SCARB2: variants seen among roughly 807,000 people sequenced by gnomAD.
The protein encoded by SCARB2 is scavenger receptor class B member 2.
SCARB2 carries 29 observed loss-of-function variants against 58.6 expected under a neutral mutation model. The ratio of observed to expected loss-of-function variants is 0.49; its 90% CI spans 0.37 to 0.67. The LOEUF is 0.67. Ranked by LOEUF, SCARB2 falls within the 30% of genes least tolerant of loss-of-function variation. SCARB2 has a pLI of 0.00. For synonymous variants in SCARB2, 195 were observed against 210.1 expected (o/e 0.93, Z 0.62); for missense variants, 488 against 578.5 (o/e 0.84, Z 1.60).
intron 1 of SCARB2, among the ~76,000 whole-genome samples, chr4:76,205,955 G>C (rs1382742188): frequency 6.6e-6 from 1 of 152,100 alleles, no homozygotes; most frequent in African/African-American, 2.4e-5. Flanking sequence ...AAGGACGGTG[G>C]GTGCTGTGGT....
At chr4:76,166,160 A>T in intron 10 of SCARB2, 90 bp downstream of exon 10, 1 of 1,286,820 alleles carries the variant, frequency 7.8e-7, no homozygotes, top group Non-Finnish European at 1.1e-6. Flanking sequence ...CCCTTCTGTC[A>T]TAACTTACAT....
chr4:76,234,437 A>C (rs1733548351), exon 1 of SCARB2: 1 of 152,236 alleles, frequency 6.6e-6, no homozygotes, highest in Admixed American at 6.5e-5. Context: ...ACAGAATTGT[A>C]CTGGGTGAAA....
At chr4:76,209,073 C>G (rs1466667462) in intron 1 of SCARB2, among the ~76,000 whole-genome samples, 1 of 152,206 alleles carries the variant, frequency 6.6e-6, no homozygotes, top group African/African-American at 2.4e-5. Flanking sequence ...TAAGTCACTT[C>G]TATTCCAAGA....
At chr4:76,219,308 C>A (rs1733267601) in intron 1 of SCARB2, among the ~76,000 whole-genome samples, 1 of 152,124 alleles carries the variant, frequency 6.6e-6, no homozygotes, top group African/African-American at 2.4e-5. Flanking sequence ...AGTTGCCAGT[C>A]CGGTGGCCAA....
At chr4:76,199,253 A>G (rs1001839667) in intron 1 of SCARB2, among the ~76,000 whole-genome samples, 3 of 152,254 alleles carry the variant, frequency 2.0e-5, no homozygotes, top group Non-Finnish European at 4.4e-5. Context: ...CCCATCCAGC[A>G]GCTGCCACCC....
At chr4:76,207,267 T>TAA in intron 1 of SCARB2, among the ~76,000 whole-genome samples, 1 of 152,360 alleles carries the variant, frequency 6.6e-6, no homozygotes, top group Middle Eastern at 3.4e-3. Context: ...TCTTCTGTTT[T>TAA]AAACATTTCT....
rs1560716152 is a variant in SCARB2, at chr4:76,195,812, G to A, written c.170C>T (p.Pro57Leu). The A allele has an allele frequency of 1.2e-5, 19 of 1,613,596 alleles. No homozygotes were observed. The highest frequency in any genetic ancestry group is 1.6e-5 in the Non-Finnish European group (19 of 1,179,610). Residue 57 changes from proline to leucine, a missense_variant, in exon 2 of 12, where the codon CCT becomes CTT. By Grantham distance (98) the Pro-to-Leu change is moderately conservative. Coordinates refer to ENST00000264896, the MANE Select transcript of SCARB2 (RefSeq NM_005506.4). ...TEAFDSWEKP[P>L]LPVYTQFYFF... ...ATAGAACTGAGTATACACAGGCAGA[G>A]GGGGCTTCTCCCAGGAGTCAAATGC...
intron 1 of SCARB2, among the ~76,000 whole-genome samples, chr4:76,230,565 G>A (rs562416680): frequency 6.6e-6 from 1 of 152,160 alleles, no homozygotes; most frequent in African/African-American, 2.4e-5. Flanking sequence ...TTCTGCTCAA[G>A]AGAGTTTATG....
intron 1 of SCARB2, among the ~76,000 whole-genome samples, chr4:76,201,679 G>A (rs1467941072): frequency 6.6e-6 from 1 of 152,194 alleles, no homozygotes; most frequent in African/African-American, 2.4e-5. Context: ...TTTTCAAGGA[G>A]ACATTTTGGC....
chr4:76,184,798 AAT>A, intron 2 of SCARB2: 5 of 334,360 alleles, frequency 1.5e-5, no homozygotes, highest in Admixed American at 4.0e-5. Context: ...AAAAAAAAAA[AAT>A]TTTAATTTAA....
At chr4:76,170,427 A>T (rs1186533862) in intron 7 of SCARB2, among the ~76,000 whole-genome samples, 2 of 152,214 alleles carry the variant, frequency 1.3e-5, no homozygotes, top group Admixed American at 1.3e-4. Flanking sequence ...ATACTAAGTG[A>T]ATGAAGGGTG....
rs567550935 is a variant in SCARB2, at chr4:76,169,800, AACT to A, written c.1113+64_1113+66del. ...TATTTTTAAAGAAGGCTCAGGACTA[AACT>A]GGTGAACAATGTATAGACAGAATAA... On this transcript the variant is annotated intron_variant, in intron 8 of 11. Coordinates refer to ENST00000264896, the MANE Select transcript of SCARB2 (RefSeq NM_005506.4). The A allele has an allele frequency of 7.8e-6, 10 of 1,279,416 alleles. No homozygotes were observed. The Admixed American group carries it at 1.7e-4, about 21-fold the overall frequency. The allele number at this position is 1,279,416 out of a possible 1,614,324, so 79.3% of individuals were successfully genotyped here.
At chr4:76,221,754 T>G (rs1733312253) in intron 1 of SCARB2, among the ~76,000 whole-genome samples, 2 of 152,172 alleles carry the variant, frequency 1.3e-5, no homozygotes, top group South Asian at 4.1e-4. Context: ...GGAGACTACT[T>G]GAAGGAGGAC....
At chr4:76,205,774 T>C (rs1732918261) in intron 1 of SCARB2, among the ~76,000 whole-genome samples, 1 of 152,190 alleles carries the variant, frequency 6.6e-6, no homozygotes, top group South Asian at 2.1e-4. Context: ...CAGAGAAACA[T>C]GCCCTCCCCC....
chr4:76,172,257 T>TTA (rs1553947809), intron 7 of SCARB2, among the ~76,000 whole-genome samples: 4 of 150,176 alleles, frequency 2.7e-5, no homozygotes, highest in South Asian at 2.1e-4. Context: ...AAACAATTTT[T>TTA]TATATATATA....
At chr4:76,208,975 T>C (rs1434840221) in intron 1 of SCARB2, among the ~76,000 whole-genome samples, 1 of 152,190 alleles carries the variant, frequency 6.6e-6, no homozygotes, top group Non-Finnish European at 1.5e-5. Context: ...AAATGGGATG[T>C]ATGGTCATCC....
intron 2 of SCARB2, chr4:76,184,685 G>C (rs1732450211): frequency 4.0e-6 from 1 of 247,446 alleles, no homozygotes; most frequent in African/African-American, 2.3e-5. Context: ...GGGAGGCTAA[G>C]GTGGGAGGAT....
At chr4:76,232,536 T>A (rs1733511462) in intron 1 of SCARB2, among the ~76,000 whole-genome samples, 1 of 152,218 alleles carries the variant, frequency 6.6e-6, no homozygotes, top group Non-Finnish European at 1.5e-5. Flanking sequence ...TACAATAAGT[T>A]AACATAACAA....
chr4:76,178,913 T>C (rs1732319418), intron 4 of SCARB2, among the ~76,000 whole-genome samples: 1 of 152,136 alleles, frequency 6.6e-6, no homozygotes, highest in Non-Finnish European at 1.5e-5. Context: ...AGAAAACAGC[T>C]ACAAATTTAA....
Sources: allele counts gnomAD v4.1 joint callset (sites outside exome capture counted in the v4.1 genomes callset), GRCh38; gene constraint gnomAD v4.1.1; transcripts MANE v1.5; gene names NCBI Gene and HGNC (gene_info 2026-07-23, HGNC 2026-07-21).